Variants in FSTL4 observed in about 807,000 individuals in gnomAD.
FSTL4 encodes follistatin-related protein 4.
In FSTL4, 28 loss-of-function variants were observed where a neutral mutation model predicts 78.2. That is an observed-to-expected ratio of 0.36 (90% confidence interval 0.27 to 0.49). FSTL4 has a LOEUF of 0.49. Ranked by LOEUF, FSTL4 falls within the 20% of genes least tolerant of loss-of-function variation. FSTL4 has a pLI of 0.98. For missense variants in FSTL4, 922 were observed against 1,084.9 expected (o/e 0.85, Z 2.11); for synonymous variants, 422 against 440.5 (o/e 0.96, Z 0.53).
At chr5:133,622,059 C>G in the FSTL4 span, among the ~76,000 whole-genome samples, 11,366 of 152,152 alleles carry the variant, frequency 0.075, 441 homozygotes, top group South Asian at 0.17. Context: ...CTCCCTCCCC[C>G]CTTATCCCTA....
the FSTL4 span, among the ~76,000 whole-genome samples, chr5:133,673,065 G>C: frequency 6.6e-6 from 1 of 152,184 alleles, no homozygotes; most frequent in East Asian, 1.9e-4. Context: ...TCACAGATGG[G>C]TGATACATAA....
chr5:133,665,902 T>C, the FSTL4 span, among the ~76,000 whole-genome samples: 2 of 152,190 alleles, frequency 1.3e-5, no homozygotes, highest in Non-Finnish European at 2.9e-5. Context: ...AGCACCTCTG[T>C]TTGAAGCCTG....
chr5:133,221,913 T>TGTTTTTTG (rs1561626837), intron 11 of FSTL4, among the ~76,000 whole-genome samples: 3 of 97,806 alleles, frequency 3.1e-5, no homozygotes, highest in Admixed American at 2.3e-4. Context: ...TTTTTTTTTT[T>TGTTTTTTG]TTTTTTTTTT....
intron 3 of FSTL4, among the ~76,000 whole-genome samples, chr5:133,454,172 GA>G (rs908641775): frequency 6.7e-6 from 1 of 148,468 alleles, no homozygotes; most frequent in African/African-American, 2.5e-5. Flanking sequence ...AACCAAAAAA[GA>G]AAAAAAAACA....
chr5:133,225,280 A>G lies in FSTL4; in HGVS notation c.1182T>C (p.Asn394=). ...CACTGCTGATGTGGAGTTCGCTCCC[A>G]TTGGCTGCAGACAGGACAGTGCTCA... ...QMSKQLSLLA[N]GSELHISSVR... is the part of the protein sequence containing the mutation. Residue 394 remains asparagine (N), a synonymous_variant, in exon 10 of 16, where the codon AAT becomes AAC. Coordinates refer to ENST00000265342, the MANE Select transcript of FSTL4 (RefSeq NM_015082.2). The surrounding 1 kb of genome is among the most constrained non-coding windows in gnomAD (Gnocchi z 4.6). 2 of 1,614,144 alleles carry G rather than the reference A, an allele frequency of 1.2e-6. No homozygotes were observed. The highest frequency in any genetic ancestry group is 1.7e-6 in the Non-Finnish European group (2 of 1,180,032).
At chr5:133,238,477 C>T (rs552362314) in intron 7 of FSTL4, among the ~76,000 whole-genome samples, 10 of 152,226 alleles carry the variant, frequency 6.6e-5, no homozygotes, top group South Asian at 2.1e-4. Flanking sequence ...TCCTCGAACA[C>T]GTCTAGACTT....
At chr5:133,379,270 G>A (rs557031937) in intron 4 of FSTL4, among the ~76,000 whole-genome samples, 16 of 151,934 alleles carry the variant, frequency 1.1e-4, no homozygotes, top group African/African-American at 1.7e-4. Context: ...AAGCAAAAGC[G>A]ACAGAACTAA....
intron 3 of FSTL4, among the ~76,000 whole-genome samples, chr5:133,500,334 A>G (rs1758466766): frequency 6.6e-6 from 1 of 152,208 alleles, no homozygotes; most frequent in Non-Finnish European, 1.5e-5. Context: ...ACTGGAGCTC[A>G]TGCTTACTGA....
chr5:133,553,118 C>A (rs1037062482), intron 3 of FSTL4, among the ~76,000 whole-genome samples: 2 of 152,238 alleles, frequency 1.3e-5, no homozygotes, highest in South Asian at 4.1e-4. Context: ...CTCCAGGGGG[C>A]GCGGGAGAGA....
chr5:133,427,521 A>G (rs1192074390), intron 3 of FSTL4: 1 of 458,236 alleles, frequency 2.2e-6, no homozygotes, highest in Non-Finnish European at 4.7e-6. Flanking sequence ...TGGGAGTTCT[A>G]CACAACACAG....
Position 133,198,031 on chromosome 5 carries a change from A to T in FSTL4, c.*1064T>A, listed in dbSNP as rs1750195222. On this transcript the variant is annotated 3_prime_UTR_variant, in exon 16 of 16. Transcript: ENST00000265342. ...GGGATGGGGTACCAGAGAGGAGTGG[A>T]TGGGCCACAGGTAGGAAAACAAAAT... The T allele has an allele frequency of 2.0e-5, 3 of 152,660 alleles. No homozygotes were observed. In the South Asian group the frequency reaches 6.2e-4, roughly 32 times the overall value. 9.5% of individuals were successfully genotyped at this position (152,660 alleles called of 1,614,324 possible).
intron 3 of FSTL4, among the ~76,000 whole-genome samples, chr5:133,443,689 G>C (rs1007486498): frequency 6.6e-6 from 1 of 152,130 alleles, no homozygotes; most frequent in Non-Finnish European, 1.5e-5. Context: ...ATTCTGAGGA[G>C]GGCACAGACT....
intron 12 of FSTL4, among the ~76,000 whole-genome samples, chr5:133,219,762 G>T (rs113803578): frequency 6.6e-6 from 1 of 152,204 alleles, no homozygotes; most frequent in Non-Finnish European, 1.5e-5. Flanking sequence ...TAGGATTTGA[G>T]AGAGTCCCTC....
the FSTL4 span, among the ~76,000 whole-genome samples, chr5:133,752,816 A>G: frequency 6.6e-6 from 1 of 152,142 alleles, no homozygotes; most frequent in Non-Finnish European, 1.5e-5. Context: ...AGAATCTCAC[A>G]CAGAGAAAAG....
At chr5:133,458,273 G>A (rs970794610) in intron 3 of FSTL4, 2 of 151,996 alleles carry the variant, frequency 1.3e-5, no homozygotes, top group Non-Finnish European at 2.9e-5. Flanking sequence ...CATTTCTTTG[G>A]GCCTGCTCAA....
At chr5:133,550,285 A>G (rs1231237243) in intron 3 of FSTL4, among the ~76,000 whole-genome samples, 3 of 152,206 alleles carry the variant, frequency 2.0e-5, no homozygotes, top group Admixed American at 2.0e-4. Context: ...ATAGTTCTAA[A>G]ATTTTCATGT....
chr5:133,558,027 C>G (rs1453419598), intron 3 of FSTL4, among the ~76,000 whole-genome samples: 1 of 152,164 alleles, frequency 6.6e-6, no homozygotes, highest in Admixed American at 6.5e-5. Context: ...AACAAATGCT[C>G]TCTCTATGTT....
chr5:133,568,740 A>G (rs1051701874), intron 2 of FSTL4, among the ~76,000 whole-genome samples: 2 of 152,252 alleles, frequency 1.3e-5, no homozygotes, highest in African/African-American at 2.4e-5. Flanking sequence ...GTTCCTCAGT[A>G]ACCTGCTCCA....
intron 3 of FSTL4, among the ~76,000 whole-genome samples, chr5:133,432,424 G>A (rs1756959074): frequency 6.6e-6 from 1 of 152,184 alleles, no homozygotes; most frequent in African/African-American, 2.4e-5. Context: ...AAATAGACAT[G>A]CACTGCACGA....
Sources: allele counts gnomAD v4.1 joint callset (sites outside exome capture counted in the v4.1 genomes callset), GRCh38; gene constraint gnomAD v4.1.1; non-coding constraint Gnocchi (gnomAD v3.1); transcripts MANE v1.5; gene names NCBI Gene and HGNC (gene_info 2026-07-23, HGNC 2026-07-21).